Variants in LRRK2 observed in about 807,000 individuals in gnomAD.
LRRK2 encodes the protein leucine rich repeat kinase 2.
In LRRK2, 203 loss-of-function variants were observed where a neutral mutation model predicts 302.6. The observed-to-expected ratio is 0.67, with a 90% CI of 0.60 to 0.75. The LOEUF (loss-of-function observed/expected upper bound fraction) is 0.75. Ranked by LOEUF, LRRK2 falls within the 30% of genes least tolerant of loss-of-function variation. LRRK2 has a pLI of 0.00. For synonymous variants in LRRK2, 1,066 were observed against 1,031.9 expected (o/e 1.03, Z -0.63); for missense variants, 2,830 against 2,951.0 (o/e 0.96, Z 0.95).
rs1943544355 is a variant in LRRK2 at position 40,278,263 on chromosome 12, TA to T, written c.2241+5del. The T allele has an allele frequency of 6.2e-7, 1 of 1,614,014 alleles. No individual in the cohort carries two copies. The highest frequency in any genetic ancestry group is 8.5e-7 in the Non-Finnish European group (1 of 1,180,000). On this transcript the variant is annotated splice_donor_region_variant and intron_variant, in intron 18 of 50. Coordinates refer to ENST00000298910, the MANE Select transcript of LRRK2 (RefSeq NM_198578.4). ...GAGGGATCTTCTTTAATTTGTCAGG[TA>T]AATATTCAAGGCCTCACTTTTGTCT...
Position 40,323,157 on chromosome 12 carries a change from C to T in LRRK2, c.5510-3C>T, listed in dbSNP as rs752630832. ...ATTTAAAAAATGTTTTATTACTTCTCAGGAGATCTCTTAGTAAATCCAGAT... is the reference window on the plus strand; with the variant it reads ...ATTTAAAAAATGTTTTATTACTTCTTAGGAGATCTCTTAGTAAATCCAGAT... On this transcript the variant is annotated splice_polypyrimidine_tract_variant and splice_region_variant and intron_variant, in intron 37 of 50. Transcript: ENST00000298910. 2.5e-6 allele frequency: 4 copies of T among 1,611,300 alleles called. No individual in the cohort carries two copies. Among genetic ancestry groups the T allele is most frequent in the Admixed American group, 3.3e-5 (2 of 59,954 alleles).
chr12:40,243,967 G>A (rs576984892), intron 7 of LRRK2, among the ~76,000 whole-genome samples: 29 of 152,104 alleles, frequency 1.9e-4, no homozygotes, highest in Non-Finnish European at 3.5e-4. Flanking sequence ...TTCTATAGAT[G>A]AGTTTTTTTA....
intron 47 of LRRK2, 144 bp from the exon 48 acceptor site, chr12:40,363,257 GA>G: frequency 1.5e-6 from 1 of 684,758 alleles, no homozygotes; most frequent in Non-Finnish European, 2.4e-6. Flanking sequence ...GGTTAGGGAA[GA>G]ATATGAAATA....
At position 40,239,850 on chromosome 12, in the gene LRRK2, C is replaced by T. The variant is rs528772608; in HGVS notation, c.572-633C>T. Among the ~76,000 whole-genome samples, 11 of 152,154 alleles carry T rather than the reference C, an allele frequency of 7.2e-5. No homozygotes were observed. The South Asian group carries it at 1.0e-3, about 14-fold the overall frequency. ...GCTGTGTTTTCTAACATATTTCTGG[C>T]GCCATTCTCAAGCTAGATAAACTAT... On this transcript the variant is annotated intron_variant, in intron 5 of 50. Coordinates refer to ENST00000298910, the MANE Select transcript of LRRK2 (RefSeq NM_198578.4).
intron 16 of LRRK2, 81 bp downstream of exon 16, chr12:40,275,074 A>C (rs1943392454): frequency 1.4e-6 from 2 of 1,432,368 alleles, no homozygotes; most frequent in East Asian, 2.3e-5. Context: ...CCCACTTTGC[A>C]TGAATGGGGT....
In LRRK2 at chr12:40,234,369, C is replaced by CTTTTTTTTTTTTTTTT. The variant is rs35906443; in HGVS notation, c.348-1243_348-1228dup. Among the ~76,000 whole-genome samples the CTTTTTTTTTTTTTTTT allele has an allele frequency of 4.6e-5, 2 of 43,040 alleles. 1 individual carries two copies. Among genetic ancestry groups the CTTTTTTTTTTTTTTTT allele is most frequent in the African/African-American group, 1.9e-4 (2 of 10,518 alleles). The allele number at this position is 43,040 out of a possible 152,430, so 28.2% of individuals were successfully genotyped here. On this transcript the variant is annotated intron_variant, in intron 3 of 50. Transcript: ENST00000298910. ...AAACATTATTGATATGCTAAATTCA[C>CTTTTTTTTTTTTTTTT]TTTTTTTTTTTTTTTTTTTTTTTTT... is the stretch of plus-strand genomic sequence containing the variant.
intron 11 of LRRK2, 93 bp from the exon 12 acceptor site, chr12:40,257,155 T>C: frequency 1.1e-6 from 1 of 902,984 alleles, no homozygotes; most frequent in East Asian, 2.7e-5. Flanking sequence ...TATGCTTTCC[T>C]GTAAATTTGG....
intron 43 of LRRK2, among the ~76,000 whole-genome samples, chr12:40,350,238 C>G (rs1177476029): frequency 1.3e-5 from 2 of 152,172 alleles, no homozygotes; most frequent in African/African-American, 4.8e-5. Context: ...TAGACTCCAA[C>G]TTCTCTCCCA....
rs113431708 is a variant in LRRK2 at position 40,310,561 on chromosome 12, G to A, written c.4448G>A (p.Arg1483Gln). ...LLNKRGFPAIRDYHFVNATEE... is the reference protein window; with the variant it reads ...LLNKRGFPAIQDYHFVNATEE... ...AATAAGCGAGGGTTCCCTGCCATAC[G>A]AGATTACCACTTTGTGAATGCCACC... Residue 1483 changes from arginine (R) to glutamine (Q), a missense_variant, in exon 31 of 51, where the codon CGA becomes CAA. Coordinates refer to ENST00000298910, the MANE Select transcript of LRRK2 (RefSeq NM_198578.4). The A allele has an allele frequency of 8.7e-6, 14 of 1,612,214 alleles. No individual in the cohort carries two copies. The highest frequency in any genetic ancestry group is 2.2e-5 in the East Asian group (1 of 44,852).
At chr12:40,308,368 A>G (rs1279549962) in intron 28 of LRRK2, 99 bp from the exon 29 acceptor site, 39 of 871,640 alleles carry the variant, frequency 4.5e-5, no homozygotes, top group Middle Eastern at 6.8e-4. Context: ...TCTTCTGGAT[A>G]CTATATTTTA....
intron 28 of LRRK2, among the ~76,000 whole-genome samples, chr12:40,307,725 G>T (rs990572816): frequency 2.0e-5 from 3 of 150,796 alleles, no homozygotes; most frequent in African/African-American, 7.3e-5. Flanking sequence ...ATGTCATATG[G>T]ACTTTGTGAA....
At chr12:40,232,198 A>G (rs1184003688) in intron 2 of LRRK2, 76 bp from the exon 3 acceptor site, 1 of 1,012,950 alleles carries the variant, frequency 9.9e-7, no homozygotes, top group Non-Finnish European at 1.6e-6. Flanking sequence ...CTAAGATTGA[A>G]GAGATTCATG....
At chr12:40,340,600 T>C in intron 41 of LRRK2, 146 bp downstream of exon 41, 1 of 844,850 alleles carries the variant, frequency 1.2e-6, no homozygotes, top group Non-Finnish European at 2.0e-6. Context: ...AAGCATCACA[T>C]TGTGATTTTT....
At chr12:40,356,866 T>C (rs926250286) in intron 46 of LRRK2, among the ~76,000 whole-genome samples, 1 of 152,240 alleles carries the variant, frequency 6.6e-6, no homozygotes, top group Non-Finnish European at 1.5e-5. Context: ...GATATGTTGT[T>C]ACATGCATAG....
rs1056530935 is a variant in LRRK2 at position 40,325,648 on chromosome 12, A to G, written c.5656+2342A>G. Among the ~76,000 whole-genome samples, 5 of 152,332 alleles carry G rather than the reference A, an allele frequency of 3.3e-5. 1 individual carries two copies. Among genetic ancestry groups the G allele is most frequent in the Middle Eastern group, 6.8e-3 (2 of 294 alleles). ...CCAGTGATTTAAACAAATTAGGTGT[A>G]TCCTTCTAAAAACATTTTACAGGTA... On this transcript the variant is annotated intron_variant, in intron 38 of 50. Transcript: ENST00000298910.
intron 4 of LRRK2, 37 bp downstream of exon 4, chr12:40,235,751 T>C (rs756876616): frequency 1.1e-5 from 13 of 1,213,930 alleles, no homozygotes; most frequent in Non-Finnish European, 1.6e-5. Context: ...TGATTCAAAT[T>C]AAAAAAAAAG....
intron 2 of LRRK2, 27 bp downstream of exon 2, chr12:40,225,667 C>T: frequency 6.4e-7 from 1 of 1,572,266 alleles, no homozygotes; most frequent in Non-Finnish European, 8.7e-7. Context: ...CACTTCAACT[C>T]ATTCTCCCTT....
chr12:40,295,562 G>A lies in LRRK2; in HGVS notation c.3014G>A (p.Cys1005Tyr), dbSNP rs762075901. 8.7e-6 allele frequency: 14 copies of A among 1,613,900 alleles called. No individual in the cohort carries two copies. The highest frequency in any genetic ancestry group is 5.3e-5 in the African/African-American group (4 of 74,914). The change falls in exon 23 of 51, where the codon TGT becomes TAT. Residue 1005 changes from cysteine to tyrosine, a missense_variant. Cys to Tyr is a radical substitution (Grantham distance 194). Coordinates refer to ENST00000298910, the MANE Select transcript of LRRK2 (RefSeq NM_198578.4). ...RDIDALSQKC[C>Y]ISVHLEHLEK... is the part of the protein sequence containing the mutation. ...ATTGATGCCCTAAGCCAGAAATGCT[G>A]TATAAGTGTTCATTTGGAGCATCTT...
chr12:40,286,464 C>T (rs1943930395), intron 19 of LRRK2: 1 of 151,982 alleles, frequency 6.6e-6, no homozygotes, highest in Non-Finnish European at 1.5e-5. Context: ...CATGAGCATA[C>T]TTCACTCTGC....
Sources: allele counts gnomAD v4.1 joint callset (sites outside exome capture counted in the v4.1 genomes callset), GRCh38; gene constraint gnomAD v4.1.1; transcripts MANE v1.5; gene names NCBI Gene and HGNC (gene_info 2026-07-23, HGNC 2026-07-21).